NR3C2: variants seen among roughly 807,000 people sequenced by gnomAD.
The protein encoded by NR3C2 is mineralocorticoid receptor.
A neutral mutation model predicts 86.4 loss-of-function variants in NR3C2; 15 were observed. That is an observed-to-expected ratio of 0.17 (90% CI 0.12 to 0.27). The LOEUF (loss-of-function observed/expected upper bound fraction) is 0.27. Ranked by LOEUF, NR3C2 falls within the 10% of genes least tolerant of loss-of-function variation. The pLI is 1.00. For missense variants in NR3C2, 960 were observed against 1,195.6 expected (o/e 0.80, Z 2.91); for synonymous variants, 458 against 450.5 (o/e 1.02, Z -0.21).
intron 4 of NR3C2, among the ~76,000 whole-genome samples, chr4:148,166,119 A>C (rs2149779732): frequency 6.6e-6 from 1 of 152,376 alleles, no homozygotes. Context: ...TACTTCAAAA[A>C]AAAGTTATTT....
chr4:148,403,898 A>G (rs1224109172), intron 2 of NR3C2, among the ~76,000 whole-genome samples: 1 of 152,230 alleles, frequency 6.6e-6, no homozygotes, highest in East Asian at 1.9e-4. Flanking sequence ...TTGGATACCT[A>G]GAGATGGCAG....
intron 8 of NR3C2, 144 bp from the exon 9 acceptor site, chr4:148,081,643 A>G: frequency 8.8e-7 from 1 of 1,132,974 alleles, no homozygotes; most frequent in Non-Finnish European, 1.3e-6. Flanking sequence ...GAGCAGAGTC[A>G]TCTGTCCTGG....
intron 2 of NR3C2, among the ~76,000 whole-genome samples, chr4:148,425,859 T>A (rs1283547757): frequency 6.6e-6 from 1 of 152,206 alleles, no homozygotes; most frequent in African/African-American, 2.4e-5. Context: ...AAATCACGAA[T>A]ACTGTCTCCG....
At position 148,285,788 on chromosome 4, in the gene NR3C2, G is replaced by A. The variant is rs553726524; in HGVS notation, c.1758-25671C>T. Among the ~76,000 whole-genome samples the A allele has an allele frequency of 3.3e-5, 5 of 152,306 alleles. No homozygotes were observed. In the South Asian group the frequency reaches 1.0e-3, roughly 32 times the overall value. ...TGCTTCCCTGTCTTGTACATGTGGA[G>A]ATGTGATAAAGTAACTTCAGTGACA... On this transcript the variant is annotated intron_variant, in intron 2 of 8. Transcript: ENST00000358102.
intron 2 of NR3C2, among the ~76,000 whole-genome samples, chr4:148,330,832 G>A (rs1012791084): frequency 7.9e-5 from 12 of 152,130 alleles, no homozygotes; most frequent in Admixed American, 1.3e-4. Context: ...TTCCCTTGGC[G>A]ATGAGATAGT....
intron 3 of NR3C2, among the ~76,000 whole-genome samples, chr4:148,251,301 T>A (rs1352037760): frequency 6.6e-6 from 1 of 152,156 alleles, no homozygotes; most frequent in Non-Finnish European, 1.5e-5. Context: ...CTCCTCTCCA[T>A]GACAACCTAA....
rs552566011 is a variant in NR3C2, at chr4:148,316,728, T to C, written c.1758-56611A>G. On this transcript the variant is annotated intron_variant, in intron 2 of 8. Coordinates refer to ENST00000358102, the MANE Select transcript of NR3C2 (RefSeq NM_000901.5). ...TTCTCATTATTTTAGAGAGCATACA[T>C]TTTGGTTTTGAACATTCCACTTAAA... 5.3e-5 allele frequency among the ~76,000 whole-genome samples: 8 copies of C among 152,266 alleles called. No individual in the cohort carries two copies. In the South Asian group the frequency reaches 1.5e-3, roughly 28 times the overall value.
At chr4:148,089,585 C>T (rs1360319171) in intron 8 of NR3C2, among the ~76,000 whole-genome samples, 2 of 152,260 alleles carry the variant, frequency 1.3e-5, no homozygotes, top group African/African-American at 4.8e-5. Context: ...TTTGTGAAAC[C>T]TGCTCTGTGC....
At chr4:148,188,896 AG>A (rs1419244316) in intron 4 of NR3C2, among the ~76,000 whole-genome samples, 22 of 148,720 alleles carry the variant, frequency 1.5e-4, no homozygotes, top group African/African-American at 5.2e-4. Flanking sequence ...TATTACATTA[AG>A]GTATATACCT....
intron 2 of NR3C2, among the ~76,000 whole-genome samples, chr4:148,261,123 A>T (rs767469937): frequency 6.6e-6 from 1 of 152,230 alleles, no homozygotes. Flanking sequence ...TATTATGAAG[A>T]TCTAGTAGCA....
At chr4:148,136,111 A>C (rs6816918) in intron 6 of NR3C2, among the ~76,000 whole-genome samples, 69,078 of 145,894 alleles carry the variant, frequency 0.47, 18,227 homozygotes, top group East Asian at 0.71. Flanking sequence ...CCAACAAAAA[A>C]AACAAACAAA....
rs188772748 is a variant in NR3C2 at position 148,372,751 on chromosome 4, A to G, written c.1757+62353T>C. Among the ~76,000 whole-genome samples the G allele has an allele frequency of 8.5e-5, 13 of 152,350 alleles. No homozygotes were observed. The East Asian group carries it at 2.5e-3, about 29-fold the overall frequency. The stretch of plus-strand genomic sequence containing the variant: ...GGATCAATTCTAAAGAAAAGTTATT[A>G]AGTTATAGCATGATTTTAAGGGATA... On this transcript the variant is annotated intron_variant, in intron 2 of 8. Transcript: ENST00000358102.
chr4:148,371,979 T>C (rs944332873), intron 2 of NR3C2, among the ~76,000 whole-genome samples: 7 of 152,294 alleles, frequency 4.6e-5, no homozygotes, highest in Admixed American at 1.3e-4. Context: ...TACTATCATA[T>C]ACCAACTACA....
At chr4:148,363,186 C>T (rs561656974) in intron 2 of NR3C2, among the ~76,000 whole-genome samples, 1 of 152,238 alleles carries the variant, frequency 6.6e-6, no homozygotes, top group South Asian at 2.1e-4. Context: ...CCATGAGGGG[C>T]TAATCAAGAG....
chr4:148,097,735 T>TTGCC (rs1277197428), intron 8 of NR3C2, among the ~76,000 whole-genome samples: 2 of 121,454 alleles, frequency 1.6e-5, no homozygotes, highest in Non-Finnish European at 3.8e-5. Context: ...GATGAGACTT[T>TTGCC]TTTGCGTTTT....
chr4:148,332,663 T>C (rs1744286567), intron 2 of NR3C2, among the ~76,000 whole-genome samples: 1 of 152,180 alleles, frequency 6.6e-6, no homozygotes, highest in East Asian at 1.9e-4. Flanking sequence ...AAGACAAGGG[T>C]AATATTTCCA....
chr4:148,212,483 T>C (rs1034682856), intron 3 of NR3C2, among the ~76,000 whole-genome samples: 1 of 152,208 alleles, frequency 6.6e-6, no homozygotes, highest in African/African-American at 2.4e-5. Context: ...CCTTCTCAGC[T>C]GAGGACTAAT....
intron 2 of NR3C2, among the ~76,000 whole-genome samples, chr4:148,403,167 A>G (rs749286686): frequency 4.6e-5 from 7 of 152,126 alleles, no homozygotes; most frequent in Non-Finnish European, 7.4e-5. Context: ...TTACAAAAAT[A>G]GTCTACAGTA....
intron 2 of NR3C2, among the ~76,000 whole-genome samples, chr4:148,285,374 T>C (rs1741466802): frequency 6.6e-6 from 1 of 152,206 alleles, no homozygotes. Context: ...AACTGGTTTA[T>C]AGAAAAGTCC....
Sources: allele counts gnomAD v4.1 joint callset (sites outside exome capture counted in the v4.1 genomes callset), GRCh38; gene constraint gnomAD v4.1.1; transcripts MANE v1.5; gene names NCBI Gene and HGNC (gene_info 2026-07-23, HGNC 2026-07-21).